The following OPCML variants were observed in gnomAD, a reference collection of about 807,000 sequenced individuals.
OPCML encodes opioid binding protein/cell adhesion molecule like.
A neutral mutation model predicts 37.8 loss-of-function variants in OPCML; 13 were observed. The observed-to-expected ratio is 0.34, with a 90% CI of 0.22 to 0.55. The LOEUF (loss-of-function observed/expected upper bound fraction) is 0.55, where lower values mean the gene tolerates loss of function less well. Ranked by LOEUF, OPCML falls within the 20% of genes least tolerant of loss-of-function variation. The pLI is 0.91. For missense variants in OPCML, 341 were observed against 435.6 expected, an observed-to-expected ratio of 0.78 and a Z score of 1.93; for synonymous variants, 176 against 168.8, an observed-to-expected ratio of 1.04 and a Z score of -0.33.
At chr11:132,733,800 C>G (rs1449640524) in intron 2 of OPCML, among the ~76,000 whole-genome samples, 3 of 152,130 alleles carry the variant, frequency 2.0e-5, no homozygotes, top group East Asian at 1.9e-4. Flanking sequence ...AGAAAAGAAA[C>G]TAGCCCACGG....
At chr11:133,394,411 C>A (rs1459195402) in intron 1 of OPCML, among the ~76,000 whole-genome samples, 2 of 152,142 alleles carry the variant, frequency 1.3e-5, no homozygotes, top group African/African-American at 4.8e-5. Context: ...TACAAATAAT[C>A]CAATTATACT....
Position 132,767,397 on chromosome 11 carries a change from T to C in OPCML, c.147-110078A>G, listed in dbSNP as rs533715509. Among the ~76,000 whole-genome samples, 5 of 152,350 alleles carry C rather than the reference T, an allele frequency of 3.3e-5. No individual in the cohort carries two copies. In the East Asian group the frequency reaches 9.6e-4, roughly 29 times the overall value. On this transcript the variant is annotated intron_variant, in intron 2 of 7. Coordinates refer to ENST00000524381, the MANE Select transcript of OPCML (RefSeq NM_001012393.5). ...GGTTATGGGATTTCTTTGAGGTCAA[T>C]AACTAATATTAGCACAGAAATTCAG...
chr11:133,467,753 GT>G (rs1947009314), intron 1 of OPCML, among the ~76,000 whole-genome samples: 1 of 152,162 alleles, frequency 6.6e-6, no homozygotes, highest in Admixed American at 6.5e-5. Context: ...GCCTTCTTCT[GT>G]GACACTACCA....
chr11:132,795,703 A>C (rs1025234963), intron 2 of OPCML, among the ~76,000 whole-genome samples: 1 of 152,142 alleles, frequency 6.6e-6, no homozygotes, highest in African/African-American at 2.4e-5. Context: ...AGTCTCTTTC[A>C]CTTAACATAC....
chr11:132,620,465 T>C (rs535888181), intron 3 of OPCML, among the ~76,000 whole-genome samples: 3 of 152,196 alleles, frequency 2.0e-5, no homozygotes, highest in Admixed American at 6.5e-5. Context: ...AGTGATTAAA[T>C]GCCAATGCCT....
chr11:132,843,604 C>A (rs1488137810), intron 2 of OPCML, among the ~76,000 whole-genome samples: 1 of 103,492 alleles, frequency 9.7e-6, no homozygotes, highest in Admixed American at 9.0e-5. Context: ...GAAACAGAGC[C>A]TGGCACCAAA....
intron 1 of OPCML, among the ~76,000 whole-genome samples, chr11:133,140,186 C>T (rs868269456): frequency 2.4e-5 from 3 of 124,804 alleles, no homozygotes; most frequent in South Asian, 6.1e-4. Flanking sequence ...GACTCCGTCT[C>T]AATAATAATA....
chr11:133,032,734 A>G (rs1298136314), intron 1 of OPCML, among the ~76,000 whole-genome samples: 1 of 152,196 alleles, frequency 6.6e-6, no homozygotes. Flanking sequence ...AGCAGCCCCC[A>G]GTTATCACCT....
chr11:133,287,275 C>CTTTTTTTTT (rs760838065), intron 1 of OPCML, among the ~76,000 whole-genome samples: 4 of 120,976 alleles, frequency 3.3e-5, no homozygotes, highest in African/African-American at 9.2e-5. Context: ...TTCTTTCTTT[C>CTTTTTTTTT]TTTTTTTTTT....
chr11:132,918,805 AC>A (rs201131411), intron 2 of OPCML, among the ~76,000 whole-genome samples: 2,446 of 151,916 alleles, frequency 0.016, 64 homozygotes, highest in African/African-American at 0.056. Context: ...TTGAAAAAAA[AC>A]ATTGTCACTT....
chr11:133,495,228 C>A (rs937087043), intron 1 of OPCML, among the ~76,000 whole-genome samples: 13 of 152,176 alleles, frequency 8.5e-5, no homozygotes, highest in Non-Finnish European at 1.8e-4. Context: ...CTGCAAATGC[C>A]ATTAATTCAT....
At chr11:133,409,782 C>G (rs1945605170) in intron 1 of OPCML, among the ~76,000 whole-genome samples, 1 of 152,120 alleles carries the variant, frequency 6.6e-6, no homozygotes, top group African/African-American at 2.4e-5. Context: ...ATGCACCATG[C>G]TAGGTACCAC....
intron 1 of OPCML, among the ~76,000 whole-genome samples, chr11:133,379,544 GTGTCTTAGTATGTGGTACCTCCTTCT>G: frequency 6.6e-6 from 1 of 152,322 alleles, no homozygotes; most frequent in East Asian, 1.9e-4. Context: ...TCTAGAGTAT[GTGTCTTAGTATGTGGTACCTCCTTCT>G]TCGCCTTGTG....
At chr11:133,124,728 T>G (rs1949473856) in intron 1 of OPCML, among the ~76,000 whole-genome samples, 1 of 152,128 alleles carries the variant, frequency 6.6e-6, no homozygotes, top group Non-Finnish European at 1.5e-5. Context: ...AGAACCCATC[T>G]GATTTGGATC....
chr11:133,222,589 A>C (rs1939883841), intron 1 of OPCML, among the ~76,000 whole-genome samples: 1 of 152,120 alleles, frequency 6.6e-6, no homozygotes, highest in Admixed American at 6.5e-5. Context: ...TAAGGATATA[A>C]ACACCAGCCC....
chr11:132,988,109 C>CT (rs952624532), intron 1 of OPCML, among the ~76,000 whole-genome samples: 2 of 151,986 alleles, frequency 1.3e-5, no homozygotes, highest in African/African-American at 4.8e-5. Context: ...AAATAGTTCT[C>CT]TTTTTTTTAT....
intron 2 of OPCML, among the ~76,000 whole-genome samples, chr11:132,699,731 C>T (rs1025065839): frequency 1.3e-5 from 2 of 152,008 alleles, no homozygotes; most frequent in African/African-American, 4.8e-5. Context: ...TTTTAATGTG[C>T]TATAAATTCA....
chr11:133,401,169 T>G (rs907670578), intron 1 of OPCML, among the ~76,000 whole-genome samples: 4 of 152,308 alleles, frequency 2.6e-5, no homozygotes, highest in African/African-American at 9.6e-5. Flanking sequence ...CACTCTGCTC[T>G]TTGTAGGTAA....
At chr11:132,650,098 C>A (rs1157516523) in intron 3 of OPCML, among the ~76,000 whole-genome samples, 1 of 152,138 alleles carries the variant, frequency 6.6e-6, no homozygotes, top group Non-Finnish European at 1.5e-5. Context: ...GTGGAGGTTA[C>A]AAATGTTAGA....
Sources: allele counts gnomAD v4.1 joint callset (sites outside exome capture counted in the v4.1 genomes callset), GRCh38; gene constraint gnomAD v4.1.1; transcripts MANE v1.5; gene names NCBI Gene and HGNC (gene_info 2026-07-23, HGNC 2026-07-21).